ABCA13: variants seen among roughly 807,000 people sequenced by gnomAD.
ABCA13 encodes the protein ATP binding cassette subfamily A member 13, also known as ATP-binding cassette sub-family A member 13.
ABCA13 carries 476 observed loss-of-function variants against 478.7 expected under a neutral mutation model. The observed-to-expected ratio is 0.99, with a 90% confidence interval of 0.92 to 1.07. The LOEUF (loss-of-function observed/expected upper bound fraction) is 1.07, where lower values mean the gene tolerates loss of function less well. Ranked by LOEUF, ABCA13 falls within the 50% of genes least tolerant of loss-of-function variation. The pLI is 0.00. For synonymous variants in ABCA13, 2,252 were observed against 2,158.9 expected (o/e 1.04, Z -1.20); for missense variants, 6,060 against 5,910.6 (o/e 1.03, Z -0.83).
chr7:48,259,644 T>C (rs1793895580), intron 15 of ABCA13, among the ~76,000 whole-genome samples: 1 of 152,156 alleles, frequency 6.6e-6, no homozygotes, highest in African/African-American at 2.4e-5. Context: ...GATTCTGATA[T>C]CATGTTGTTA....
chr7:48,546,233 A>G (rs1784801516), intron 55 of ABCA13, among the ~76,000 whole-genome samples: 1 of 151,826 alleles, frequency 6.6e-6, no homozygotes, highest in Non-Finnish European at 1.5e-5. Context: ...TTTTTTTCTC[A>G]GCAGCCACTA....
intron 55 of ABCA13, among the ~76,000 whole-genome samples, chr7:48,564,004 A>G (rs1786757839): frequency 6.6e-6 from 1 of 152,108 alleles, no homozygotes; most frequent in Admixed American, 6.6e-5. Context: ...GTTATTTAGT[A>G]TATTCCTAAC....
chr7:48,350,958 A>C (rs771261324), intron 30 of ABCA13, 139 bp downstream of exon 30: 26 of 945,574 alleles, frequency 2.7e-5, no homozygotes, highest in Non-Finnish European at 3.4e-5. Flanking sequence ...AAAATAAAGC[A>C]GAACTGTTTA....
Position 48,455,277 on chromosome 7 carries a change from A to G in ABCA13, c.12806A>G (p.Tyr4269Cys), listed in dbSNP as rs1162123054. The G allele has an allele frequency of 6.2e-7, 1 of 1,602,770 alleles. No homozygotes were observed. The highest frequency in any genetic ancestry group is 1.1e-5 in the South Asian group (1 of 89,272). Residue 4269 changes from tyrosine (Y) to cysteine (C), a missense_variant, in exon 43 of 62, where the codon TAC becomes TGC. Physicochemically the swap from Tyr to Cys is radical, Grantham distance 194. Transcript: ENST00000435803. Reference protein sequence around the residue: ...TPGHYQRAETYFFSSGGDNLD... With the variant: ...TPGHYQRAETCFFSSGGDNLD... Reference sequence around the variant, plus strand: ...GGACATTACCAGCGGGCCGAGACCTACTTTTTCAGGTAAGTTGTTTTTGTT... The same window carrying G: ...GGACATTACCAGCGGGCCGAGACCTGCTTTTTCAGGTAAGTTGTTTTTGTT...
At chr7:48,400,233 C>A (rs897662138) in intron 38 of ABCA13, among the ~76,000 whole-genome samples, 1 of 152,092 alleles carries the variant, frequency 6.6e-6, no homozygotes, top group Non-Finnish European at 1.5e-5. Flanking sequence ...TCCACTAGAC[C>A]TTGAATTTCT....
intron 3 of ABCA13, among the ~76,000 whole-genome samples, chr7:48,201,265 T>C (rs1383950905): frequency 2.0e-5 from 3 of 152,158 alleles, no homozygotes; most frequent in Admixed American, 6.5e-5. Context: ...TGGACTGAAA[T>C]GGGTGGGAGC....
intron 29 of ABCA13, 111 bp from the exon 30 acceptor site, chr7:48,350,532 G>A: frequency 7.7e-7 from 1 of 1,294,220 alleles, no homozygotes; most frequent in African/African-American, 1.5e-5. Flanking sequence ...ATTTTTTAGT[G>A]GAAGAATTCA....
At chr7:48,346,004 A>G (rs2128969560) in intron 29 of ABCA13, among the ~76,000 whole-genome samples, 1 of 152,318 alleles carries the variant, frequency 6.6e-6, no homozygotes, top group Non-Finnish European at 1.5e-5. Flanking sequence ...ACAATTGCCT[A>G]CAGCATTCAG....
intron 48 of ABCA13, among the ~76,000 whole-genome samples, chr7:48,506,093 T>C (rs1037688700): frequency 3.3e-5 from 5 of 152,206 alleles, no homozygotes; most frequent in African/African-American, 1.2e-4. Context: ...GGGCCTGTCA[T>C]GTAAAGCATG....
chr7:48,550,265 C>CTTTTTTTTTTTT (rs57540403), intron 55 of ABCA13, among the ~76,000 whole-genome samples: 145 of 148,290 alleles, frequency 9.8e-4, no homozygotes, highest in East Asian at 1.8e-3. Flanking sequence ...CTCTATTTTT[C>CTTTTTTTTTTTT]TTTTTTTTGG....
intron 38 of ABCA13, 146 bp from the exon 39 acceptor site, chr7:48,403,537 T>A (rs1233752471): frequency 3.8e-6 from 3 of 793,034 alleles, no homozygotes; most frequent in Non-Finnish European, 6.0e-6. Flanking sequence ...CTGGTGAGAC[T>A]CACGTGTGTG....
Position 48,470,811 on chromosome 7 carries a change from C to T in ABCA13, c.12906-719C>T, listed in dbSNP as rs200760977. ...CCACCTCTTCTTCTGAAAAGCAGGG[C>T]TAGTAAGGATGGTGGTAAAAATATC... On this transcript the variant is annotated intron_variant, in intron 44 of 61. Transcript: ENST00000435803. Among the ~76,000 whole-genome samples the T allele has an allele frequency of 3.9e-5, 6 of 152,254 alleles. No individual in the cohort carries two copies. In the East Asian group the frequency reaches 1.2e-3, roughly 29 times the overall value.
At chr7:48,392,185 T>A in intron 38 of ABCA13, 46 bp downstream of exon 38, 3 of 1,552,524 alleles carry the variant, frequency 1.9e-6, no homozygotes, top group Non-Finnish European at 2.7e-6. Context: ...CTGCCCATTG[T>A]GTAAGGAAGT....
At chr7:48,542,124 A>C (rs67249167) in intron 55 of ABCA13, among the ~76,000 whole-genome samples, 21,245 of 151,640 alleles carry the variant, frequency 0.14, 2,055 homozygotes, top group African/African-American at 0.23. Flanking sequence ...ACATAGAATG[A>C]TAAGGTGTAA....
In ABCA13 at chr7:48,483,059, A is replaced by C. The variant is rs376887450; in HGVS notation, c.13095-17A>C. On this transcript the variant is annotated splice_polypyrimidine_tract_variant and intron_variant, in intron 46 of 61. Transcript: ENST00000435803. ...GCTCTGTGGTTGAAGCACTAACACA[A>C]TGTTCATTGTTAACAGGCTTGGAGG... 1.7e-5 allele frequency: 27 copies of C among 1,602,420 alleles called. No homozygotes were observed. Among genetic ancestry groups the C allele is most frequent in the Non-Finnish European group, 2.3e-5 (27 of 1,174,314 alleles).
chr7:48,177,386 C>A (rs1369004688), intron 1 of ABCA13, among the ~76,000 whole-genome samples: 2 of 152,212 alleles, frequency 1.3e-5, no homozygotes, highest in African/African-American at 4.8e-5. Context: ...GTCAGGGCAT[C>A]CTCACTGGCT....
intron 46 of ABCA13, among the ~76,000 whole-genome samples, chr7:48,482,758 A>T (rs1211251264): frequency 6.6e-6 from 1 of 152,154 alleles, no homozygotes; most frequent in African/African-American, 2.4e-5. Context: ...AACAGTGCTG[A>T]TGATCAAGCC....
At chr7:48,473,689 A>C (rs35137154) in intron 45 of ABCA13, among the ~76,000 whole-genome samples, 24,132 of 152,206 alleles carry the variant, frequency 0.16, 2,433 homozygotes, top group East Asian at 0.23. Flanking sequence ...CGAGCTGCTT[A>C]GAAATGATTG....
chr7:48,450,302 T>C (rs997204500), intron 42 of ABCA13, among the ~76,000 whole-genome samples: 1 of 152,220 alleles, frequency 6.6e-6, no homozygotes, highest in South Asian at 2.1e-4. Flanking sequence ...CTTTATTTCC[T>C]GAATAAGTGT....
Sources: gnomAD v4.1 joint callset for allele counts (sites outside exome capture counted in the v4.1 genomes callset) on GRCh38, gnomAD v4.1.1 for gene constraint, MANE v1.5 for transcripts, NCBI Gene and HGNC (gene_info 2026-07-23, HGNC 2026-07-21) for gene names.